KCNU1: variants seen among roughly 807,000 people sequenced by gnomAD.
KCNU1 encodes potassium calcium-activated channel subfamily U member 1.
Under a neutral mutation model 126.8 loss-of-function variants are expected in KCNU1, and 93 were observed. The ratio of observed to expected loss-of-function variants is 0.73; its 90% CI spans 0.62 to 0.87. The LOEUF (loss-of-function observed/expected upper bound fraction) is 0.87. KCNU1 is among the 40% of genes least tolerant of loss of function. The pLI, the probability that KCNU1 is intolerant of heterozygous loss-of-function variation, is 0.00. For missense variants in KCNU1, 1,330 were observed against 1,367.1 expected, an observed-to-expected ratio of 0.97 and a Z score of 0.43; for synonymous variants, 523 against 494.2, an observed-to-expected ratio of 1.06 and a Z score of -0.77.
intron 1 of KCNU1, among the ~76,000 whole-genome samples, chr8:36,785,651 A>G (rs374343107): frequency 2.6e-5 from 4 of 152,320 alleles, no homozygotes; most frequent in African/African-American, 7.2e-5. Flanking sequence ...AATTGGAGAA[A>G]GAATTCTGGG....
chr8:36,857,635 TTTTTG>T (rs1805575662), intron 18 of KCNU1, among the ~76,000 whole-genome samples: 1 of 151,796 alleles, frequency 6.6e-6, no homozygotes, highest in African/African-American at 2.4e-5. Context: ...GTTTTTTGTT[TTTTTG>T]TTTTTGTTTT....
intron 18 of KCNU1, among the ~76,000 whole-genome samples, chr8:36,851,733 TG>T (rs1805356405): frequency 6.6e-6 from 1 of 152,204 alleles, no homozygotes; most frequent in African/African-American, 2.4e-5. Context: ...TAAATAAAAT[TG>T]TTTTTTAGCT....
At chr8:36,838,094 GAAAT>G (rs1196689036) in intron 14 of KCNU1, among the ~76,000 whole-genome samples, 1 of 152,226 alleles carries the variant, frequency 6.6e-6, no homozygotes, top group Non-Finnish European at 1.5e-5. Flanking sequence ...CAGGTGAAAA[GAAAT>G]GGTAGTCAGG....
intron 2 of KCNU1, among the ~76,000 whole-genome samples, chr8:36,789,723 G>A (rs1802837827): frequency 6.6e-6 from 1 of 152,208 alleles, no homozygotes; most frequent in Admixed American, 6.5e-5. Context: ...TAAGATCACA[G>A]TGGTGAGAGA....
At chr8:36,932,407 T>G (rs551228010) in intron 25 of KCNU1, among the ~76,000 whole-genome samples, 4 of 152,236 alleles carry the variant, frequency 2.6e-5, no homozygotes, top group African/African-American at 9.6e-5. Context: ...TGATCCCTTT[T>G]GATCTTGCTG....
At chr8:36,930,893 T>C in intron 24 of KCNU1, 58 bp from the exon 25 acceptor site, 1 of 1,287,826 alleles carries the variant, frequency 7.8e-7, no homozygotes, top group Non-Finnish European at 1.1e-6. Context: ...CCTTTACCCC[T>C]CCACAGTTCA....
chr8:36,860,627 T>C (rs1805694354), intron 18 of KCNU1, among the ~76,000 whole-genome samples: 2 of 152,148 alleles, frequency 1.3e-5, no homozygotes, highest in South Asian at 2.1e-4. Flanking sequence ...TTACATGTGA[T>C]AGAGTAGAGG....
intron 23 of KCNU1, among the ~76,000 whole-genome samples, chr8:36,921,099 G>T (rs770303855): frequency 6.6e-6 from 1 of 152,098 alleles, no homozygotes; most frequent in African/African-American, 2.4e-5. Flanking sequence ...CATGGATGCT[G>T]GCAGAAGATA....
chr8:36,889,328 T>G (rs527757070), intron 19 of KCNU1: 5 of 499,624 alleles, frequency 1.0e-5, no homozygotes, highest in African/African-American at 7.8e-5. Flanking sequence ...GGTAATTACT[T>G]TGGATCTATC....
At position 36,842,430 on chromosome 8, in the gene KCNU1, C is replaced by G. The variant is rs186945487; in HGVS notation, c.1703+1427C>G. Among the ~76,000 whole-genome samples, 92 of 152,298 alleles carry G rather than the reference C, an allele frequency of 6.0e-4. No homozygotes were observed. The East Asian group carries it at 0.016, about 27-fold the overall frequency. The stretch of plus-strand genomic sequence containing the variant: ...GAGAATAACAAGTAGTATTGTCTGG[C>G]TGCCTAAGTTCTGTTTAAAAATCCT... On this transcript the variant is annotated intron_variant, in intron 16 of 26. Transcript: ENST00000399881.
chr8:36,887,836 G>A (rs1296065353), intron 19 of KCNU1, among the ~76,000 whole-genome samples: 1 of 152,168 alleles, frequency 6.6e-6, no homozygotes, highest in African/African-American at 2.4e-5. Flanking sequence ...GCCTAGAATG[G>A]CCTTAAGTTC....
intron 2 of KCNU1, among the ~76,000 whole-genome samples, chr8:36,788,799 A>T (rs1802801256): frequency 6.6e-6 from 1 of 152,094 alleles, no homozygotes; most frequent in Admixed American, 6.6e-5. Context: ...GTTGGTTAGG[A>T]TCTCTTCAAA....
chr8:36,834,723 G>A, intron 11 of KCNU1, 63 bp from the exon 12 acceptor site: 2 of 1,036,562 alleles, frequency 1.9e-6, no homozygotes, highest in Non-Finnish European at 1.5e-6. Context: ...AACCCGAAAG[G>A]GGAAGACCAG....
intron 23 of KCNU1, among the ~76,000 whole-genome samples, chr8:36,919,239 C>T (rs1273000231): frequency 6.6e-6 from 1 of 152,096 alleles, no homozygotes; most frequent in Non-Finnish European, 1.5e-5. Context: ...AAACCCATCA[C>T]AGGACTTCGG....
chr8:36,902,970 G>T (rs750845693), intron 19 of KCNU1, among the ~76,000 whole-genome samples: 2 of 152,096 alleles, frequency 1.3e-5, no homozygotes, highest in South Asian at 4.1e-4. Context: ...TGTCTAGCTA[G>T]GCAAATGATT....
At chr8:36,837,627 T>C (rs907022535) in intron 14 of KCNU1, among the ~76,000 whole-genome samples, 2 of 152,332 alleles carry the variant, frequency 1.3e-5, no homozygotes. Flanking sequence ...TGGTGTTATT[T>C]CCACACAATG....
intron 19 of KCNU1, among the ~76,000 whole-genome samples, chr8:36,870,859 T>G (rs552549266): frequency 6.6e-6 from 1 of 152,184 alleles, no homozygotes; most frequent in Non-Finnish European, 1.5e-5. Flanking sequence ...CTACATTCAC[T>G]TAACACTATA....
chr8:36,827,101 C>T (rs1354736268), intron 10 of KCNU1, among the ~76,000 whole-genome samples: 2 of 152,128 alleles, frequency 1.3e-5, no homozygotes, highest in Admixed American at 6.6e-5. Context: ...CACAACTATA[C>T]ATGGAAACAC....
At chr8:36,808,367 A>G (rs1803582284) in intron 6 of KCNU1, among the ~76,000 whole-genome samples, 1 of 152,138 alleles carries the variant, frequency 6.6e-6, no homozygotes, top group Non-Finnish European at 1.5e-5. Context: ...TATATCGGAC[A>G]ATATAACAAT....
Sources: allele counts gnomAD v4.1 joint callset (sites outside exome capture counted in the v4.1 genomes callset), GRCh38; gene constraint gnomAD v4.1.1; transcripts MANE v1.5; gene names NCBI Gene and HGNC (gene_info 2026-07-23, HGNC 2026-07-21).